The following TET3 variants were observed in gnomAD, a reference collection of about 807,000 sequenced individuals.
TET3 encodes the protein methylcytosine dioxygenase TET3.
TET3 carries 19 observed loss-of-function variants against 141.4 expected under a neutral mutation model. The observed-to-expected ratio is 0.13, with a 90% CI of 0.09 to 0.20. The LOEUF (loss-of-function observed/expected upper bound fraction) is 0.20. TET3 is among the 10% of genes least tolerant of loss of function. The pLI is 1.00. For missense variants in TET3, 1,874 were observed against 2,356.9 expected, an observed-to-expected ratio of 0.80 and a Z score of 4.24; for synonymous variants, 1,043 against 980.9, an observed-to-expected ratio of 1.06 and a Z score of -1.18.
At position 74,098,319 on chromosome 2, in the gene TET3, A is replaced by AAT. The variant is rs1156710187; in HGVS notation, c.3268-954_3268-953dup. Among the ~76,000 whole-genome samples the AAT allele has an allele frequency of 2.0e-5, 3 of 152,286 alleles. No homozygotes were observed. The East Asian group carries it at 5.8e-4, about 29-fold the overall frequency. On this transcript the variant is annotated intron_variant, in intron 10 of 11. Coordinates refer to ENST00000409262, the MANE Select transcript of TET3 (RefSeq NM_001287491.2). ...GATTAACACATTGATACAGTAGAAT[A>AAT]ATATTACACAGCTCTAATCATATTG...
intron 5 of TET3, among the ~76,000 whole-genome samples, chr2:74,076,244 A>G (rs1689497545): frequency 6.6e-6 from 1 of 152,114 alleles, no homozygotes; most frequent in African/African-American, 2.4e-5. Flanking sequence ...AATTCCTCTC[A>G]AGACCAGGAA....
chr2:74,004,811 C>T, intron 3 of TET3, among the ~76,000 whole-genome samples: 1 of 152,186 alleles, frequency 6.6e-6, no homozygotes, highest in East Asian at 1.9e-4. Context: ...TCCACCTCTG[C>T]TTCCTCCCCT....
rs534212452 is a variant in TET3, at chr2:74,047,348, A to C, written c.1431A>C (p.Val477=). 1 of 1,613,982 alleles carries C rather than the reference A, an allele frequency of 6.2e-7. No individual in the cohort carries two copies. Among genetic ancestry groups the C allele is most frequent in the South Asian group, 1.1e-5 (1 of 91,082 alleles). The change falls in exon 4 of 12, where the codon GTA becomes GTC. Residue 477 remains valine, a synonymous_variant. Transcript: ENST00000409262. The part of the protein sequence containing the change: ...LGSASDYIQS[V]FKRPEALPTK... ...GCGCCAGTGATTACATCCAGTCAGT[A>C]TTCAAGCGGCCTGAGGCCCTGCCTA...
chr2:74,074,101 G>C (rs922909130), intron 5 of TET3, among the ~76,000 whole-genome samples: 1 of 152,120 alleles, frequency 6.6e-6, no homozygotes, highest in Non-Finnish European at 1.5e-5. Context: ...GGAATATAAT[G>C]TCTCACTCCT....
At chr2:73,988,284 C>T (rs1470863849) in intron 2 of TET3, among the ~76,000 whole-genome samples, 1 of 152,132 alleles carries the variant, frequency 6.6e-6, no homozygotes, top group East Asian at 1.9e-4. Flanking sequence ...GTCTACTTTG[C>T]AAAGCTTGAT....
chr2:74,065,714 C>A (rs184510936), intron 4 of TET3, among the ~76,000 whole-genome samples: 2 of 129,106 alleles, frequency 1.5e-5, no homozygotes, highest in Admixed American at 1.7e-4. Context: ...TCTTTCTTTC[C>A]TTCTTTCCTT....
chr2:74,047,304 C>T lies in TET3; in HGVS notation c.1387C>T (p.Leu463=). 6.2e-7 allele frequency: 1 copy of T among 1,614,014 alleles called. No homozygotes were observed. The change falls in exon 4 of 12, where the codon CTG becomes TTG. Residue 463 remains leucine, a synonymous_variant. Coordinates refer to ENST00000409262, the MANE Select transcript of TET3 (RefSeq NM_001287491.2). ...PRPSPDPMAE[L]EQLLGSASDY... ...CCCAAGCCCCGATCCCATGGCTGAA[C>T]TGGAGCAGTTGTTGGGCAGCGCCAG...
In TET3 at chr2:74,051,305, G is replaced by A. The variant is rs1687929836; in HGVS notation, c.2494+2894G>A. Among the ~76,000 whole-genome samples the A allele has an allele frequency of 2.0e-5, 3 of 152,184 alleles. No individual in the cohort carries two copies. The South Asian group carries it at 6.2e-4, about 31-fold the overall frequency. On this transcript the variant is annotated intron_variant, in intron 4 of 11. Transcript: ENST00000409262. ...CAGAGAAACCAGACCTCCAGGAACT[G>A]GGAGCTAACAACACTTTGTATTATT...
At chr2:74,026,244 T>C (rs1686350088) in intron 3 of TET3, among the ~76,000 whole-genome samples, 1 of 150,244 alleles carries the variant, frequency 6.7e-6, no homozygotes, top group Non-Finnish European at 1.5e-5. Context: ...TGCCACTGCC[T>C]CTCCCTGAGA....
At chr2:74,071,828 A>G (rs947955794) in intron 4 of TET3, among the ~76,000 whole-genome samples, 8 of 152,220 alleles carry the variant, frequency 5.3e-5, no homozygotes, top group African/African-American at 1.9e-4. Flanking sequence ...TGTTTTCCAA[A>G]GCTGCTACTA....
At chr2:74,091,686 A>G (rs1392351129) in intron 8 of TET3, among the ~76,000 whole-genome samples, 1 of 152,122 alleles carries the variant, frequency 6.6e-6, no homozygotes, top group Admixed American at 6.5e-5. Context: ...TCCACCTTCC[A>G]TTTCTCATTC....
chr2:74,061,133 C>T (rs796338607), intron 4 of TET3, among the ~76,000 whole-genome samples: 9 of 148,796 alleles, frequency 6.0e-5, no homozygotes, highest in African/African-American at 1.2e-4. Flanking sequence ...GGCGGCCGGC[C>T]GGGCGGGGGG....
intron 3 of TET3, among the ~76,000 whole-genome samples, chr2:74,015,520 C>T (rs933811867): frequency 6.6e-5 from 10 of 152,228 alleles, no homozygotes; most frequent in African/African-American, 2.2e-4. Context: ...GTCTTTTATT[C>T]GCTCATAAAT....
intron 3 of TET3, among the ~76,000 whole-genome samples, chr2:74,003,839 T>C (rs1298355469): frequency 7.0e-6 from 1 of 141,996 alleles, no homozygotes; most frequent in African/African-American, 2.6e-5. Flanking sequence ...GAGCTTCTCC[T>C]TGTGGTTGTC....
chr2:74,057,544 C>T (rs941470904), intron 4 of TET3, among the ~76,000 whole-genome samples: 1 of 152,226 alleles, frequency 6.6e-6, no homozygotes, highest in African/African-American at 2.4e-5. Flanking sequence ...TCTGCCCACT[C>T]TATTTTTGGG....
chr2:74,005,793 G>A (rs1203866084), intron 3 of TET3, among the ~76,000 whole-genome samples: 3 of 152,226 alleles, frequency 2.0e-5, no homozygotes, highest in African/African-American at 7.2e-5. Context: ...TAGGCACAGA[G>A]TTGAGCTTGA....
At position 74,104,678 on chromosome 2, in the gene TET3, TG is replaced by T. The variant is rs1429855212; in HGVS notation, c.*2503del. Reference sequence around the variant, plus strand: ...AGGTGATTCTGATACTTGGCATGTGTGAATCTTCCTGATGTATGTTAAATAA... The same window carrying T: ...AGGTGATTCTGATACTTGGCATGTGTAATCTTCCTGATGTATGTTAAATAA... On this transcript the variant is annotated 3_prime_UTR_variant, in exon 12 of 12. Coordinates refer to ENST00000409262, the MANE Select transcript of TET3 (RefSeq NM_001287491.2). 6.5e-6 allele frequency: 1 copy of T among 152,866 alleles called. No individual in the cohort carries two copies. Among genetic ancestry groups the T allele is most frequent in the Non-Finnish European group, 1.5e-5 (1 of 68,532 alleles). The allele number at this position is 152,866 out of a possible 1,614,324, so 9.5% of individuals were successfully genotyped here. A position where few individuals can be genotyped will look rare whatever the true frequency, so the allele number is the denominator to read the frequency against.
At chr2:74,025,522 C>T (rs999618813) in intron 3 of TET3, among the ~76,000 whole-genome samples, 3 of 151,974 alleles carry the variant, frequency 2.0e-5, no homozygotes, top group African/African-American at 4.8e-5. Flanking sequence ...CTCCTGATGT[C>T]GTGATCCGCT....
At chr2:74,099,679 C>A in intron 11 of TET3, 67 bp downstream of exon 11, 1 of 1,414,786 alleles carries the variant, frequency 7.1e-7, no homozygotes, top group Non-Finnish European at 9.5e-7. Flanking sequence ...CCCTGCTCTT[C>A]CACGCACCCT....
Sources: gnomAD v4.1 joint callset for allele counts (sites outside exome capture counted in the v4.1 genomes callset) on GRCh38, gnomAD v4.1.1 for gene constraint, MANE v1.5 for transcripts, NCBI Gene and HGNC (gene_info 2026-07-23, HGNC 2026-07-21) for gene names.